PCDHGA10: variants seen among roughly 807,000 people sequenced by gnomAD.
The protein encoded by PCDHGA10 is protocadherin gamma subfamily A, 10.
A neutral mutation model predicts 59.5 loss-of-function variants in PCDHGA10; 42 were observed. The ratio of observed to expected loss-of-function variants is 0.71; its 90% CI spans 0.55 to 0.91. The LOEUF (loss-of-function observed/expected upper bound fraction) is 0.91. Among genes scored for constraint, PCDHGA10 ranks in the 40% least tolerant of loss-of-function variants. The pLI, the probability that PCDHGA10 is intolerant of heterozygous loss-of-function variation, is 0.00. For synonymous variants in PCDHGA10, 511 were observed against 517.2 expected, an observed-to-expected ratio of 0.99 and a Z score of 0.16; for missense variants, 1,111 against 1,198.2, an observed-to-expected ratio of 0.93 and a Z score of 1.07.
chr5:141,501,945 T>C (rs1318749969), intron 2 of PCDHGA10, among the ~76,000 whole-genome samples: 1 of 152,106 alleles, frequency 6.6e-6, no homozygotes, highest in Non-Finnish European at 1.5e-5. Context: ...CACTGCTCCC[T>C]GTGACAGGTC....
At position 141,432,644 on chromosome 5, in the gene PCDHGA10, G is replaced by A; in HGVS notation, c.2436+17033G>A. The A allele has an allele frequency of 1.2e-6, 2 of 1,613,812 alleles. No homozygotes were observed. The highest frequency in any genetic ancestry group is 1.7e-6 in the Non-Finnish European group (2 of 1,179,942). ...TCTGCACACGGGCGAGGTGCGCACG[G>A]CGCGAGCCCTGCTGGACAGAGACGC... On this transcript the variant is annotated intron_variant, in intron 1 of 3. Coordinates refer to ENST00000398610, the MANE Select transcript of PCDHGA10 (RefSeq NM_018913.3). The surrounding 1 kb of genome is among the most constrained non-coding windows in gnomAD (Gnocchi z 6.0).
intron 1 of PCDHGA10, among the ~76,000 whole-genome samples, chr5:141,454,476 A>G (rs918910449): frequency 6.6e-6 from 1 of 151,806 alleles, no homozygotes; most frequent in Non-Finnish European, 1.5e-5. Flanking sequence ...GCATGATCTC[A>G]GCTCACCGCA....
chr5:141,485,466 T>C lies in PCDHGA10; in HGVS notation c.2437-9341T>C, dbSNP rs1485922901. ...ATCGACCGAGAGGCACTGTGTGGGC[T>C]CAGTGCCAGCTGCATCGTGCCCCTG... On this transcript the variant is annotated intron_variant, in intron 1 of 3. Transcript: ENST00000398610. The surrounding 1 kb of genome is among the most constrained non-coding windows in gnomAD (Gnocchi z 5.7). 6.2e-7 allele frequency: 1 copy of C among 1,613,868 alleles called. No individual in the cohort carries two copies. Among genetic ancestry groups the C allele is most frequent in the Non-Finnish European group, 8.5e-7 (1 of 1,179,924 alleles).
Position 141,413,835 on chromosome 5 carries a change from CG to C in PCDHGA10, c.665del (p.Gly222ValfsTer13). Reference sequence around the variant, plus strand: ...ACCACCTGGTCCTCACCGCCTCCGACGGGGGTGACCCTCTCCGATCTGGCAC... The same window carrying C: ...ACCACCTGGTCCTCACCGCCTCCGACGGGGTGACCCTCTCCGATCTGGCAC... ...IHHLVLTASD[G>X]GDPLRSGTVL... On this transcript the variant is annotated frameshift_variant, in exon 1 of 4. Coordinates refer to ENST00000398610, the MANE Select transcript of PCDHGA10 (RefSeq NM_018913.3). LOFTEE classifies it high-confidence loss of function. 1.2e-6 allele frequency: 2 copies of C among 1,613,258 alleles called. No individual in the cohort carries two copies. Among genetic ancestry groups the C allele is most frequent in the South Asian group, 1.1e-5 (1 of 91,066 alleles).
chr5:141,462,617 T>C (rs1413543706), intron 1 of PCDHGA10, among the ~76,000 whole-genome samples: 1 of 151,850 alleles, frequency 6.6e-6, no homozygotes, highest in East Asian at 1.9e-4. Context: ...TTTTCACTTT[T>C]AGAAGTTCCA....
At chr5:141,492,578 G>A (rs1380328678) in intron 1 of PCDHGA10, among the ~76,000 whole-genome samples, 1 of 152,216 alleles carries the variant, frequency 6.6e-6, no homozygotes, top group Non-Finnish European at 1.5e-5. Flanking sequence ...CGAGGCGCGG[G>A]GCCAGGAGCG....
chr5:141,419,651 TC>T, intron 1 of PCDHGA10: 28 of 1,612,632 alleles, frequency 1.7e-5, no homozygotes, highest in Non-Finnish European at 2.3e-5. Flanking sequence ...GGACGCGGAC[TC>T]GGGGCACAAT....
chr5:141,472,465 A>C (rs886879646), intron 1 of PCDHGA10, among the ~76,000 whole-genome samples: 4 of 152,032 alleles, frequency 2.6e-5, no homozygotes, highest in Non-Finnish European at 5.9e-5. Flanking sequence ...GCTTGAACCC[A>C]GAAGGCAGAG....
chr5:141,423,234 C>A (rs1408925478), intron 1 of PCDHGA10: 1 of 1,613,800 alleles, frequency 6.2e-7, no homozygotes, highest in Non-Finnish European at 8.5e-7. Context: ...CCGACAGCAT[C>A]CCCGAAGTCC....
intron 1 of PCDHGA10, chr5:141,426,945 A>G: frequency 8.8e-6 from 4 of 456,724 alleles, no homozygotes; most frequent in Non-Finnish European, 1.8e-5. Context: ...CCCAGTCCCA[A>G]CTGGCACTGC....
In PCDHGA10 at chr5:141,488,566, A is replaced by T. The variant is rs1354931497; in HGVS notation, c.2437-6241A>T. On this transcript the variant is annotated intron_variant, in intron 1 of 3. Coordinates refer to ENST00000398610, the MANE Select transcript of PCDHGA10 (RefSeq NM_018913.3). ...TGTCAGCTGACATTGAGATTTCCGC[A>T]AAGCATTGCTGGAGAGTCAGGGCAA... 5.9e-5 allele frequency among the ~76,000 whole-genome samples: 9 copies of T among 152,324 alleles called. No individual in the cohort carries two copies. In the East Asian group the frequency reaches 1.5e-3, roughly 26 times the overall value.
intron 2 of PCDHGA10, among the ~76,000 whole-genome samples, chr5:141,498,825 C>A (rs2099786017): frequency 6.6e-6 from 1 of 151,974 alleles, no homozygotes; most frequent in Admixed American, 6.6e-5. Flanking sequence ...CCCAGCTACT[C>A]AGGAGGCTGA....
Position 141,486,515 on chromosome 5 carries a change from G to A in PCDHGA10, c.2437-8292G>A. ...AACTATTTTCCTCAATATTTCAGAT[G>A]TGAATGATAATCCACCCTCTTTCTT... On this transcript the variant is annotated intron_variant, in intron 1 of 3. Transcript: ENST00000398610. This position sits in a 1 kb window ranked among gnomAD's most constrained non-coding sequence, Gnocchi z 5.0. 1 of 1,614,172 alleles carries A rather than the reference G, an allele frequency of 6.2e-7. No individual in the cohort carries two copies. The highest frequency in any genetic ancestry group is 8.5e-7 in the Non-Finnish European group (1 of 1,180,026).
At position 141,432,759 on chromosome 5, in the gene PCDHGA10, G is replaced by T. The variant is rs768949018; in HGVS notation, c.2436+17148G>T. On this transcript the variant is annotated intron_variant, in intron 1 of 3. Transcript: ENST00000398610. The surrounding 1 kb of genome is among the most constrained non-coding windows in gnomAD (Gnocchi z 6.0). ...ACGCTCACCGTGGCCGTGGCCGACA[G>T]CATCCCCCAAGTCCTGGCGGACCTC... is the stretch of plus-strand genomic sequence containing the variant. The T allele has an allele frequency of 6.2e-6, 10 of 1,614,032 alleles. No homozygotes were observed. The highest frequency in any genetic ancestry group is 7.6e-6 in the Non-Finnish European group (9 of 1,180,014).
At position 141,440,639 on chromosome 5, in the gene PCDHGA10, T is replaced by C. The variant is rs2098191350; in HGVS notation, c.2436+25028T>C. On this transcript the variant is annotated intron_variant, in intron 1 of 3. Coordinates refer to ENST00000398610, the MANE Select transcript of PCDHGA10 (RefSeq NM_018913.3). ...GATCCTGATGTTGAGAGAAATTCCT[T>C]ACAAAATTATCACCTTAGCAGCAAC... 2 of 152,192 alleles carry C rather than the reference T, an allele frequency of 1.3e-5. 1 individual carries two copies. The highest frequency in any genetic ancestry group is 4.8e-5 in the African/African-American group (2 of 41,440). The allele number at this position is 152,192 out of a possible 1,614,324, so 9.4% of individuals were successfully genotyped here.
In PCDHGA10 at chr5:141,471,046, CTTT is replaced by C. The variant is rs1170588345; in HGVS notation, c.2437-23743_2437-23741del. ...ATTTTTATTAACAAGCCCAAGCCCT[CTTT>C]TTTTTTTTTTTTTTTTTGAGACAGG... On this transcript the variant is annotated intron_variant, in intron 1 of 3. Coordinates refer to ENST00000398610, the MANE Select transcript of PCDHGA10 (RefSeq NM_018913.3). 4.8e-4 allele frequency among the ~76,000 whole-genome samples: 54 copies of C among 113,240 alleles called. 1 individual carries two copies. Among genetic ancestry groups the C allele is most frequent in the Middle Eastern group, 5.2e-3 (1 of 192 alleles). 74.3% of individuals were successfully genotyped at this position (113,240 alleles called of 152,430 possible).
rs1426953509 is a variant in PCDHGA10, at chr5:141,415,080, C to T, written c.1905C>T (p.Ala635=). 6.2e-7 allele frequency: 1 copy of T among 1,613,526 alleles called. No homozygotes were observed. The highest frequency in any genetic ancestry group is 1.3e-5 in the African/African-American group (1 of 75,080). ...EHTGEVRTAR[A]LLDRDALKQS... ...CGGGCGAGGTGCGCACGGCGCGAGC[C>T]CTGCTGGACAGAGACGCGCTCAAGC... The change falls in exon 1 of 4, where the codon GCC becomes GCT. Residue 635 remains alanine (A), a synonymous_variant. Transcript: ENST00000398610.
chr5:141,478,774 G>T (rs1019315910), intron 1 of PCDHGA10: 1 of 1,496,268 alleles, frequency 6.7e-7, no homozygotes, highest in African/African-American at 1.4e-5. Flanking sequence ...ACTCATCTGT[G>T]GACCTAATTC....
chr5:141,435,807 T>A (rs2097781241), intron 1 of PCDHGA10, among the ~76,000 whole-genome samples: 1 of 152,040 alleles, frequency 6.6e-6, no homozygotes, highest in South Asian at 2.1e-4. Context: ...CCCAATTATT[T>A]TTTCTTTCTT....
Sources: gnomAD v4.1 joint callset for allele counts (sites outside exome capture counted in the v4.1 genomes callset) on GRCh38, gnomAD v4.1.1 for gene constraint, Gnocchi (gnomAD v3.1) non-coding constraint, MANE v1.5 for transcripts, NCBI Gene and HGNC (gene_info 2026-07-23, HGNC 2026-07-21) for gene names.